ADGRV1: variants seen among roughly 807,000 people sequenced by gnomAD.
ADGRV1 encodes G-protein coupled receptor 98.
Under a neutral mutation model 596.2 loss-of-function variants are expected in ADGRV1, and 359 were observed. That is an observed-to-expected ratio of 0.60 (90% CI 0.55 to 0.66). ADGRV1 has a LOEUF of 0.66. Among genes scored for constraint, ADGRV1 ranks in the 30% least tolerant of loss-of-function variants. The pLI is 0.00. For synonymous variants in ADGRV1, 2,681 were observed against 2,679.2 expected (o/e 1.00, Z -0.02); for missense variants, 7,274 against 7,575.6 (o/e 0.96, Z 1.48).
At chr5:90,859,826 G>T (rs540915746) in intron 82 of ADGRV1, among the ~76,000 whole-genome samples, 1 of 151,876 alleles carries the variant, frequency 6.6e-6, no homozygotes, top group South Asian at 2.1e-4. Flanking sequence ...ATTTAAGGCT[G>T]GGTGCTGTGA....
At chr5:90,722,716 CAAAAAAAAAAAAAAAAAAAAAAAAAA>C (rs55761821) in intron 45 of ADGRV1, among the ~76,000 whole-genome samples, 9 of 32,900 alleles carry the variant, frequency 2.7e-4, no homozygotes, top group Admixed American at 5.8e-4. Context: ...AACTCCGTCT[CAAAAAAAAAAAAAAAAAAAAAAAAAA>C]AAAAAAAAAA....
At chr5:90,737,519 A>G (rs1479630578) in intron 50 of ADGRV1, among the ~76,000 whole-genome samples, 3 of 151,990 alleles carry the variant, frequency 2.0e-5, no homozygotes, top group African/African-American at 7.2e-5. Context: ...TATTGTTAAA[A>G]GTGGGATACT....
At chr5:90,787,911 CA>C (rs540640580) in intron 67 of ADGRV1, among the ~76,000 whole-genome samples, 159 bp from the exon 68 acceptor site, 1 of 148,454 alleles carries the variant, frequency 6.7e-6, no homozygotes, top group South Asian at 2.1e-4. Flanking sequence ...TTATTTTTAA[CA>C]AAAAAAAACA....
intron 73 of ADGRV1, among the ~76,000 whole-genome samples, chr5:90,809,076 A>G (rs1762183214): frequency 6.6e-6 from 1 of 151,316 alleles, no homozygotes; most frequent in Admixed American, 6.6e-5. Flanking sequence ...CCTCCCGAGT[A>G]GCTGGGAGTA....
Position 90,942,780 on chromosome 5 carries a change from C to A in ADGRV1, c.17857-22635C>A, listed in dbSNP as rs73771134. Among the ~76,000 whole-genome samples the A allele has an allele frequency of 5.2e-3, 785 of 152,232 alleles. 9 individuals carry two copies. The highest frequency in any genetic ancestry group is 0.018 in the African/African-American group (745 of 41,538). On this transcript the variant is annotated intron_variant, in intron 83 of 89. Transcript: ENST00000405460. ...GTACCTGGATTTTTAAAACACTAGG[C>A]AAATCAAACAAAACCCATTTTGAGG...
At chr5:90,661,027 A>G (rs1186470401) in intron 21 of ADGRV1, among the ~76,000 whole-genome samples, 1 of 152,192 alleles carries the variant, frequency 6.6e-6, no homozygotes, top group Non-Finnish European at 1.5e-5. Flanking sequence ...CTGGTGAGGC[A>G]TGCCAAATAG....
chr5:90,987,676 C>G (rs1465626527), intron 85 of ADGRV1, among the ~76,000 whole-genome samples: 2 of 151,734 alleles, frequency 1.3e-5, no homozygotes, highest in Non-Finnish European at 2.9e-5. Context: ...ATACTTATAT[C>G]ATCATTTTAA....
intron 83 of ADGRV1, among the ~76,000 whole-genome samples, chr5:90,907,119 G>T (rs928743121): frequency 2.0e-5 from 3 of 152,034 alleles, no homozygotes; most frequent in African/African-American, 7.2e-5. Flanking sequence ...GTTATTATGG[G>T]CATTATGAAT....
chr5:90,660,672 A>G (rs1770141653), intron 21 of ADGRV1, among the ~76,000 whole-genome samples: 1 of 152,200 alleles, frequency 6.6e-6, no homozygotes, highest in South Asian at 2.1e-4. Context: ...GAGTTTGAGA[A>G]CAGCCTAGGC....
rs1167446418 is a variant in ADGRV1, at chr5:90,565,060, C to T, written c.22+6143C>T. The stretch of plus-strand genomic sequence containing the variant: ...GACCAGCCTGACCAACATGGTGAAA[C>T]CCTGTCTATACTAAAAATCCAAAAA... On this transcript the variant is annotated intron_variant, in intron 1 of 89. Coordinates refer to ENST00000405460, the MANE Select transcript of ADGRV1 (RefSeq NM_032119.4). Among the ~76,000 whole-genome samples the T allele has an allele frequency of 5.6e-4, 85 of 152,014 alleles. 1 individual carries two copies. The highest frequency in any genetic ancestry group is 5.5e-3 in the Admixed American group (84 of 15,274).
intron 67 of ADGRV1, among the ~76,000 whole-genome samples, chr5:90,785,838 T>C (rs1418279759): frequency 6.6e-6 from 1 of 152,178 alleles, no homozygotes; most frequent in Admixed American, 6.5e-5. Flanking sequence ...TGGAAGACAG[T>C]GTGGCGATTC....
chr5:90,695,572 C>G (rs977906), intron 33 of ADGRV1, among the ~76,000 whole-genome samples: 3 of 151,892 alleles, frequency 2.0e-5, no homozygotes, highest in Admixed American at 2.0e-4. Flanking sequence ...AACTTTGTTC[C>G]TAATTCTATA....
In ADGRV1 at chr5:90,993,380, A is replaced by C. The variant is rs555300633; in HGVS notation, c.18152+7858A>C. Among the ~76,000 whole-genome samples, 4 of 152,056 alleles carry C rather than the reference A, an allele frequency of 2.6e-5. No homozygotes were observed. The East Asian group carries it at 7.8e-4, about 29-fold the overall frequency. On this transcript the variant is annotated intron_variant, in intron 85 of 89. Transcript: ENST00000405460. Reference sequence around the variant, plus strand: ...CACCATATTGGCCAGGCTGGTCTCGAACTCCTGATCTTGTGATCCACCCAC... The same window carrying C: ...CACCATATTGGCCAGGCTGGTCTCGCACTCCTGATCTTGTGATCCACCCAC...
At chr5:91,025,445 A>G (rs1374699041) in intron 85 of ADGRV1, among the ~76,000 whole-genome samples, 1 of 152,184 alleles carries the variant, frequency 6.6e-6, no homozygotes, top group African/African-American at 2.4e-5. Flanking sequence ...TATGGGATTT[A>G]GTATAAAAAT....
intron 66 of ADGRV1, 134 bp downstream of exon 66, chr5:90,783,459 G>A (rs1759079367): frequency 1.5e-6 from 1 of 671,252 alleles, no homozygotes; most frequent in East Asian, 2.7e-5. Flanking sequence ...AAATACTTTT[G>A]GGGTACTAGG....
intron 85 of ADGRV1, among the ~76,000 whole-genome samples, chr5:91,003,997 A>G (rs1327602696): frequency 6.6e-6 from 1 of 152,214 alleles, no homozygotes; most frequent in Non-Finnish European, 1.5e-5. Context: ...GAGGCCATTT[A>G]AAGTATACAT....
At chr5:90,863,435 A>C (rs1379460888) in intron 82 of ADGRV1, among the ~76,000 whole-genome samples, 1 of 152,220 alleles carries the variant, frequency 6.6e-6, no homozygotes, top group Admixed American at 6.5e-5. Context: ...CATAACTAAC[A>C]CTATTGTAAT....
rs762746997 is a variant in ADGRV1, at chr5:91,072,523, G to T, written c.18229G>T (p.Val6077Leu). ...TTTGACGTGCCTCGTGGTGGTGTTC[G>T]TGGTGTTCATCCATGCCTACCAGGT... ...VPLTCLVVVF[V>L]VFIHAYQVKP... is the part of the protein sequence containing the mutation. The change falls in exon 86 of 90, where the codon GTG (valine) becomes TTG (leucine). Residue 6077 changes from valine (V) to leucine (L), a missense_variant. Physicochemically the swap from Val to Leu is conservative, Grantham distance 32. Coordinates refer to ENST00000405460, the MANE Select transcript of ADGRV1 (RefSeq NM_032119.4). 1 of 1,613,764 alleles carries T rather than the reference G, an allele frequency of 6.2e-7. No individual in the cohort carries two copies. Among genetic ancestry groups the T allele is most frequent in the East Asian group, 2.2e-5 (1 of 44,888 alleles).
intron 76 of ADGRV1, 113 bp downstream of exon 76, chr5:90,823,709 T>G: frequency 1.1e-6 from 1 of 919,566 alleles, no homozygotes; most frequent in Non-Finnish European, 1.6e-6. Context: ...ATTCTTTGTG[T>G]TTTTCTTAGC....
Sources: allele counts gnomAD v4.1 joint callset (sites outside exome capture counted in the v4.1 genomes callset), GRCh38; gene constraint gnomAD v4.1.1; transcripts MANE v1.5; gene names NCBI Gene and HGNC (gene_info 2026-07-23, HGNC 2026-07-21).